The following STAG3 variants were observed in gnomAD, a reference collection of about 807,000 sequenced individuals.
STAG3 encodes the protein cohesin subunit SA-3.
STAG3 carries 101 observed loss-of-function variants against 160.7 expected under a neutral mutation model. The ratio of observed to expected loss-of-function variants is 0.63; its 90% confidence interval spans 0.54 to 0.74. The LOEUF is 0.74. Ranked by LOEUF, STAG3 falls within the 30% of genes least tolerant of loss-of-function variation. The pLI, the probability that STAG3 is intolerant of heterozygous loss-of-function variation, is 0.00. For synonymous variants in STAG3, 519 were observed against 585.0 expected (o/e 0.89, Z 1.63); for missense variants, 1,188 against 1,517.4 (o/e 0.78, Z 3.61).
intron 8 of STAG3, among the ~76,000 whole-genome samples, chr7:100,194,788 C>T (rs565631474): frequency 1.2e-4 from 18 of 152,202 alleles, no homozygotes; most frequent in African/African-American, 3.1e-4. Flanking sequence ...GAGTGAGACC[C>T]TGTCTCATAA....
At chr7:100,188,591 C>A in intron 6 of STAG3, 62 bp downstream of exon 6, 1 of 1,324,794 alleles carries the variant, frequency 7.5e-7, no homozygotes, top group Non-Finnish European at 1.1e-6. Flanking sequence ...GCCTATTATC[C>A]CCTTCTTTTT....
chr7:100,189,313 T>C, intron 7 of STAG3, 132 bp from the exon 8 acceptor site: 1 of 1,069,776 alleles, frequency 9.3e-7, no homozygotes, highest in South Asian at 1.6e-5. Flanking sequence ...CAGGCCGTCT[T>C]AGGATTTTAG....
Position 100,204,660 on chromosome 7 carries a change from C to T in STAG3, c.2836C>T (p.Gln946Ter). ...YTELLQEHGP[Q>*]GLNELPAFIE... Reference sequence around the variant, plus strand: ...AGAACTGCTGCAGGAGCATGGGCCCCAGGGCCTGAATGAGCTTCCTGCCTT... The same window carrying T: ...AGAACTGCTGCAGGAGCATGGGCCCTAGGGCCTGAATGAGCTTCCTGCCTT... The change falls in exon 27 of 34, where the codon CAG becomes TAG. Residue 946 changes from glutamine (Q) to a stop codon, truncating the protein, a stop_gained. Transcript: ENST00000615138. LOFTEE classifies it high-confidence loss of function. The T allele has an allele frequency of 6.2e-7, 1 of 1,614,184 alleles. No homozygotes were observed. The highest frequency in any genetic ancestry group is 8.5e-7 in the Non-Finnish European group (1 of 1,180,034).
At position 100,211,873 on chromosome 7, in the gene STAG3, C is replaced by A; in HGVS notation, c.3597C>A (p.Asp1199Glu). ...CAAATGAAGAACGGCAGGATACAGA[C>A]ATGGTGAGTAGACCACCCTGCCCTT... ...DESNEERQDT[D>E]MQASSYSSTS... The change falls in exon 32 of 34, where the codon GAC (aspartate) becomes GAA (glutamate). Residue 1199 changes from aspartate to glutamate, a missense_variant. By Grantham distance (45) the Asp-to-Glu change is conservative (BLOSUM62 2). Coordinates refer to ENST00000615138, the MANE Select transcript of STAG3 (RefSeq NM_001282717.2). The A allele has an allele frequency of 2.5e-6, 4 of 1,613,990 alleles. No homozygotes were observed. The highest frequency in any genetic ancestry group is 3.4e-6 in the Non-Finnish European group (4 of 1,179,960).
chr7:100,186,566 T>G (rs779086756), intron 5 of STAG3, among the ~76,000 whole-genome samples: 8 of 151,926 alleles, frequency 5.3e-5, no homozygotes, highest in Non-Finnish European at 7.4e-5. Context: ...TACAAAAAAT[T>G]ATCTGGGTAT....
chr7:100,186,728 T>C (rs577833274), intron 5 of STAG3, among the ~76,000 whole-genome samples: 2 of 152,318 alleles, frequency 1.3e-5, no homozygotes, highest in African/African-American at 4.8e-5. Flanking sequence ...AAATTTTTTA[T>C]TGATAAATAT....
intron 1 of STAG3, among the ~76,000 whole-genome samples, chr7:100,180,032 G>C (rs1490598103): frequency 6.6e-6 from 1 of 152,060 alleles, no homozygotes; most frequent in Non-Finnish European, 1.5e-5. Flanking sequence ...ACTGTGCCCA[G>C]CCATTTGTCT....
intron 4 of STAG3, among the ~76,000 whole-genome samples, chr7:100,185,524 C>T (rs1011807113): frequency 6.7e-6 from 1 of 149,358 alleles, no homozygotes; most frequent in Non-Finnish European, 1.5e-5. Flanking sequence ...ATTGCTTGAA[C>T]GTGGGAGGTG....
intron 26 of STAG3, 152 bp from the exon 27 acceptor site, chr7:100,204,475 T>G: frequency 1.2e-6 from 1 of 863,126 alleles, no homozygotes; most frequent in Non-Finnish European, 1.7e-6. Context: ...GCTGCAGGGG[T>G]ATCGGGAGTT....
chr7:100,191,197 C>T (rs975888087), intron 8 of STAG3, among the ~76,000 whole-genome samples: 1 of 152,038 alleles, frequency 6.6e-6, no homozygotes, highest in African/African-American at 2.4e-5. Flanking sequence ...ACCAGTAGTA[C>T]CCTGCTCCCC....
downstream of STAG3, among the ~76,000 whole-genome samples, chr7:100,217,868 A>C (rs77718176): frequency 0.2 from 30,877 of 151,402 alleles, 2,998 homozygotes; most frequent in Middle Eastern, 0.33. Context: ...TACAGAGCGG[A>C]ACATGAAAGT....
chr7:100,198,931 C>T lies in STAG3; in HGVS notation c.1441C>T (p.Leu481=), dbSNP rs1366887356. ...CGCCCAGAGGACTTTCTTCCAGCTT[C>T]TGCTGTCCTTCTTTGTGGAGAGCGA... ...PGAQRTFFQL[L]LSFFVESELH... is the part of the protein sequence containing the mutation. Residue 481 remains leucine (L), a synonymous_variant, in exon 14 of 34, where the codon CTG becomes TTG. Transcript: ENST00000615138. 6.2e-7 allele frequency: 1 copy of T among 1,612,218 alleles called. No homozygotes were observed. The highest frequency in any genetic ancestry group is 8.5e-7 in the Non-Finnish European group (1 of 1,180,004).
Position 100,199,375 on chromosome 7 carries a change from T to A in STAG3, c.1573+8T>A. The A allele has an allele frequency of 6.2e-7, 1 of 1,612,044 alleles. No homozygotes were observed. The highest frequency in any genetic ancestry group is 8.5e-7 in the Non-Finnish European group (1 of 1,178,188). On this transcript the variant is annotated splice_region_variant and intron_variant, in intron 15 of 33. Transcript: ENST00000615138. ...TGCTGGAGAAGGACCAGAGTACGTG[T>A]CACACGGAGCCAGGGACAGGGACCT...
At chr7:100,180,348 C>G (rs564202355) in intron 1 of STAG3, 145 bp from the exon 2 acceptor site, 1 of 487,318 alleles carries the variant, frequency 2.1e-6, no homozygotes, top group Non-Finnish European at 3.7e-6. Flanking sequence ...GCATGAGCCA[C>G]GGTGCCCAGC....
chr7:100,207,385 A>T lies in STAG3; in HGVS notation c.3238+2001A>T, dbSNP rs569042193. 6.6e-6 allele frequency among the ~76,000 whole-genome samples: 1 copy of T among 152,290 alleles called. No individual in the cohort carries two copies. Among genetic ancestry groups the T allele is most frequent in the East Asian group, 1.9e-4 (1 of 5,190 alleles). The stretch of plus-strand genomic sequence containing the variant: ...TCCATGTTGTCACCGGTACTTATTA[A>T]TGTCTTTTTTTATTTTATCCATCTC... On this transcript the variant is annotated intron_variant, in intron 29 of 33. Coordinates refer to ENST00000615138, the MANE Select transcript of STAG3 (RefSeq NM_001282717.2). This position sits in a 1 kb window ranked among gnomAD's most constrained non-coding sequence, Gnocchi z 4.0.
At chr7:100,216,043 GC>G (rs1281807131), downstream of STAG3, among the ~76,000 whole-genome samples, 2 of 152,172 alleles carry the variant, frequency 1.3e-5, no homozygotes, top group African/African-American at 4.8e-5. Context: ...CATGTTGGCT[GC>G]CAGATTCAGT....
At chr7:100,213,855 G>C (rs779147290) in intron 33 of STAG3, 49 bp downstream of exon 33, 2 of 1,614,136 alleles carry the variant, frequency 1.2e-6, no homozygotes, top group Admixed American at 1.7e-5. Flanking sequence ...AATGCTGGCA[G>C]GCAACCCGTG....
intron 29 of STAG3, among the ~76,000 whole-genome samples, chr7:100,210,084 G>T (rs1802038426): frequency 6.6e-6 from 1 of 152,182 alleles, no homozygotes; most frequent in Admixed American, 6.5e-5. Context: ...AGTGAAGATG[G>T]AGAAGAGGAG....
chr7:100,217,677 C>T (rs546731258), downstream of STAG3, among the ~76,000 whole-genome samples: 44 of 152,172 alleles, frequency 2.9e-4, no homozygotes, highest in East Asian at 4.6e-3. Flanking sequence ...TCATCTCTAT[C>T]GATAGATAAG....
Sources: allele counts gnomAD v4.1 joint callset (sites outside exome capture counted in the v4.1 genomes callset), GRCh38; gene constraint gnomAD v4.1.1; non-coding constraint Gnocchi (gnomAD v3.1); transcripts MANE v1.5; gene names NCBI Gene and HGNC (gene_info 2026-07-23, HGNC 2026-07-21).